PPEF2: variants seen among roughly 807,000 people sequenced by gnomAD.
PPEF2 encodes protein phosphatase with EF-hand domain 2.
A neutral mutation model predicts 84.7 loss-of-function variants in PPEF2; 84 were observed. The ratio of observed to expected loss-of-function variants is 0.99; its 90% CI spans 0.83 to 1.19. PPEF2 has a LOEUF of 1.19. PPEF2 is among the 50% of genes most tolerant of loss of function. PPEF2 has a pLI of 0.00. For synonymous variants in PPEF2, 346 were observed against 345.2 expected (o/e 1.00, Z -0.03); for missense variants, 924 against 937.5 (o/e 0.99, Z 0.19).
At chr4:75,901,184 G>A (rs1725113487) in intron 1 of PPEF2, among the ~76,000 whole-genome samples, 1 of 152,184 alleles carries the variant, frequency 6.6e-6, no homozygotes, top group African/African-American at 2.4e-5. Flanking sequence ...GAAGAAGATG[G>A]AGTCATCTAC....
At chr4:75,862,227 A>T (rs1163024773) in intron 16 of PPEF2, among the ~76,000 whole-genome samples, 1 of 140,626 alleles carries the variant, frequency 7.1e-6, no homozygotes, top group African/African-American at 2.7e-5. Flanking sequence ...CAGGAGGCGG[A>T]GGTTGCAGTG....
intron 10 of PPEF2, among the ~76,000 whole-genome samples, chr4:75,877,548 C>A (rs1430488126): frequency 6.6e-6 from 1 of 152,188 alleles, no homozygotes; most frequent in South Asian, 2.1e-4. Context: ...CTGTTCCTGG[C>A]CTGGGACAAG....
intron 2 of PPEF2, among the ~76,000 whole-genome samples, chr4:75,895,893 A>AATTGTT (rs1447121332): frequency 6.6e-6 from 1 of 151,550 alleles, no homozygotes; most frequent in Non-Finnish European, 1.5e-5. Context: ...TTAAAAAAAA[A>AATTGTT]ATTGTTAGAT....
At chr4:75,895,742 A>AT (rs1367314610) in intron 2 of PPEF2, among the ~76,000 whole-genome samples, 4 of 149,560 alleles carry the variant, frequency 2.7e-5, no homozygotes, top group Non-Finnish European at 6.0e-5. Flanking sequence ...AAAAAAAAAA[A>AT]ATTTTTTTTT....
Position 75,873,214 on chromosome 4 carries a change from TTG to T in PPEF2, c.1417_1418del (p.Gln473ThrfsTer16). On this transcript the variant is annotated frameshift_variant, in exon 12 of 17. Transcript: ENST00000286719. LOFTEE classifies it high-confidence loss of function. ...GGCYFGPDVT[Q>X]QLLQKYNMQF... ...GCATGTTGTATTTTTGTAGCAACTG[TTG>T]TGTCACATCAGGCCCAAAATAACAG... 6.2e-7 allele frequency: 1 copy of T among 1,613,996 alleles called. No individual in the cohort carries two copies. Among genetic ancestry groups the T allele is most frequent in the Non-Finnish European group, 8.5e-7 (1 of 1,179,834 alleles).
At chr4:75,861,709 A>G (rs1724005903) in intron 16 of PPEF2, among the ~76,000 whole-genome samples, 1 of 137,776 alleles carries the variant, frequency 7.3e-6, no homozygotes, top group South Asian at 2.8e-4. Flanking sequence ...TCCTGGGTTC[A>G]CGCCATTCTC....
chr4:75,894,171 A>G (rs762262443), intron 2 of PPEF2, among the ~76,000 whole-genome samples: 91 of 152,312 alleles, frequency 6.0e-4, no homozygotes, highest in Non-Finnish European at 1.2e-3. Context: ...TTATTTAAGA[A>G]AGATAGAACA....
At chr4:75,894,970 T>C (rs1724974374) in intron 2 of PPEF2, among the ~76,000 whole-genome samples, 1 of 152,142 alleles carries the variant, frequency 6.6e-6, no homozygotes, top group African/African-American at 2.4e-5. Flanking sequence ...ATCCCTACCA[T>C]ATTAGAAATG....
At position 75,867,329 on chromosome 4, in the gene PPEF2, A is replaced by G. The variant is rs771388673; in HGVS notation, c.1740T>C (p.His580=). ...SSDLLSEFKK[H]DADKVGLITL... is the part of the protein sequence containing the mutation. ...CATTCTTACCGACTTTATCTGCATC[A>G]TGCTTCTTAAATTCACTGAGAAGAT... The change falls in exon 14 of 17, where the codon CAT becomes CAC. Residue 580 remains histidine (H), a synonymous_variant. Transcript: ENST00000286719. The G allele has an allele frequency of 1.2e-6, 2 of 1,613,250 alleles. No homozygotes were observed. The highest frequency in any genetic ancestry group is 1.7e-5 in the Admixed American group (1 of 59,966).
Position 75,859,939 on chromosome 4 carries a change from A to G in PPEF2, c.*728T>C, listed in dbSNP as rs1025240824. 1.1e-4 allele frequency: 16 copies of G among 152,352 alleles called. No homozygotes were observed. The highest frequency in any genetic ancestry group is 3.6e-4 in the African/African-American group (15 of 41,588). 9.4% of individuals were successfully genotyped at this position (152,352 alleles called of 1,614,324 possible). ...AAAATTATATAAACACTACAGTAAC[A>G]AGTAAGAAAAAGTAAATAATGAAGA... On this transcript the variant is annotated 3_prime_UTR_variant, in exon 17 of 17. Coordinates refer to ENST00000286719, the MANE Select transcript of PPEF2 (RefSeq NM_006239.3).
At chr4:75,869,069 T>G (rs1423012211) in intron 13 of PPEF2, among the ~76,000 whole-genome samples, 1 of 152,214 alleles carries the variant, frequency 6.6e-6, no homozygotes, top group African/African-American at 2.4e-5. Flanking sequence ...TTCACAGGTA[T>G]GTGAGCATAT....
intron 2 of PPEF2, among the ~76,000 whole-genome samples, chr4:75,893,483 C>T (rs900656652): frequency 1.0e-5 from 1 of 96,770 alleles, no homozygotes; most frequent in African/African-American, 4.2e-5. Context: ...GGGCTAGAGA[C>T]TCTGACACAC....
intron 2 of PPEF2, among the ~76,000 whole-genome samples, chr4:75,894,089 C>G (rs997541761): frequency 1.2e-4 from 18 of 152,196 alleles, no homozygotes; most frequent in East Asian, 1.9e-4. Context: ...TGTAAAAACT[C>G]TACATATAAC....
At chr4:75,871,904 CAT>C in intron 13 of PPEF2, 119 bp downstream of exon 13, 1 of 1,119,794 alleles carries the variant, frequency 8.9e-7, no homozygotes, top group Non-Finnish European at 1.3e-6. Flanking sequence ...TTCATGCTGA[CAT>C]AGCCAAATTC....
chr4:75,860,593 A>G lies in PPEF2; in HGVS notation c.*74T>C, dbSNP rs1723971449. 15 of 1,561,292 alleles carry G rather than the reference A, an allele frequency of 9.6e-6. No homozygotes were observed. The East Asian group carries it at 3.4e-4, about 35-fold the overall frequency. ...TTTCAGCATAAAGTTTCACATGGAG[A>G]ATAAGGGAGATAGTCTAGTGAGAAG... On this transcript the variant is annotated 3_prime_UTR_variant, in exon 17 of 17. Coordinates refer to ENST00000286719, the MANE Select transcript of PPEF2 (RefSeq NM_006239.3).
intron 1 of PPEF2, among the ~76,000 whole-genome samples, chr4:75,900,348 A>G (rs1055572690): frequency 1.3e-5 from 2 of 152,340 alleles, no homozygotes; most frequent in South Asian, 2.1e-4. Context: ...AAGGAAGTTG[A>G]TATCTATCAT....
At chr4:75,873,571 A>C (rs1724337073) in intron 11 of PPEF2, among the ~76,000 whole-genome samples, 1 of 152,188 alleles carries the variant, frequency 6.6e-6, no homozygotes, top group South Asian at 2.1e-4. Flanking sequence ...TAAATCTGAT[A>C]TGAAAGCTCA....
In PPEF2 at chr4:75,896,338, A is replaced by G. The variant is rs1233298724; in HGVS notation, c.-13T>C. The G allele has an allele frequency of 1.9e-6, 3 of 1,613,950 alleles. No homozygotes were observed. Among genetic ancestry groups the G allele is most frequent in the African/African-American group, 1.3e-5 (1 of 74,936 alleles). On this transcript the variant is annotated 5_prime_UTR_variant, in exon 2 of 17. Transcript: ENST00000286719. ...TGCCGCTTCCCATAGTTTAAGCGCA[A>G]TGCTCCTGCAGGACGCAGCAGATCC...
rs1207231258 is a variant in PPEF2, at chr4:75,884,856, A to G, written c.580-96T>C. On this transcript the variant is annotated intron_variant, in intron 7 of 16. Transcript: ENST00000286719. ...GGCATTTGACAATCACATCATGTCT[A>G]ACACCAATTCTGTGCTTTCTAGGTC... 6.5e-6 allele frequency: 7 copies of G among 1,079,648 alleles called. No homozygotes were observed. The East Asian group carries it at 7.3e-5, about 11-fold the overall frequency. 66.9% of individuals were successfully genotyped at this position (1,079,648 alleles called of 1,614,324 possible). A position where few individuals can be genotyped will look rare whatever the true frequency, so the allele number is the denominator to read the frequency against.
Sources: gnomAD v4.1 joint callset for allele counts (sites outside exome capture counted in the v4.1 genomes callset) on GRCh38, gnomAD v4.1.1 for gene constraint, MANE v1.5 for transcripts, NCBI Gene and HGNC (gene_info 2026-07-23, HGNC 2026-07-21) for gene names.